RP1: variants seen among roughly 807,000 people sequenced by gnomAD.
RP1 encodes the protein oxygen-regulated protein 1.
RP1 carries 16 observed loss-of-function variants against 14.8 expected under a neutral mutation model. The ratio of observed to expected loss-of-function variants is 1.08; its 90% CI spans 0.73 to 1.65. The LOEUF is 1.65. Ranked by LOEUF, RP1 falls within the 40% of genes most tolerant of loss-of-function variation. The pLI, the probability that RP1 is intolerant of heterozygous loss-of-function variation, is 0.00. For missense variants in RP1, 2,631 were observed against 2,535.0 expected, an observed-to-expected ratio of 1.04 and a Z score of -0.81; for synonymous variants, 876 against 883.6, an observed-to-expected ratio of 0.99 and a Z score of 0.15.
At chr8:54,815,055 CTTTTA>C (rs1387898158) in intron 24 of RP1, among the ~76,000 whole-genome samples, 1 of 152,192 alleles carries the variant, frequency 6.6e-6, no homozygotes, top group Non-Finnish European at 1.5e-5. Flanking sequence ...TTGAGCTATT[CTTTTA>C]TAAGTCAAGT....
intron 28 of RP1, among the ~76,000 whole-genome samples, chr8:54,869,193 T>A (rs1355450625): frequency 6.6e-6 from 1 of 152,138 alleles, no homozygotes; most frequent in Non-Finnish European, 1.5e-5. Context: ...AGGATTCAGA[T>A]CAAAATATAT....
intron 3 of RP1, chr8:54,648,936 C>A (rs1806602086): frequency 5.1e-6 from 7 of 1,366,308 alleles, no homozygotes; most frequent in Non-Finnish European, 6.7e-6. Context: ...TCTGAGTCTT[C>A]CATTTCTATC....
intron 17 of RP1, among the ~76,000 whole-genome samples, chr8:54,726,827 A>G (rs1267817135): frequency 6.8e-6 from 1 of 147,544 alleles, no homozygotes; most frequent in Non-Finnish European, 1.5e-5. Flanking sequence ...AGCAATGAAA[A>G]AAATAATTTC....
chr8:54,684,832 C>A (rs555831153), intron 12 of RP1, among the ~76,000 whole-genome samples: 8 of 152,124 alleles, frequency 5.3e-5, no homozygotes, highest in African/African-American at 1.9e-4. Context: ...AGATCATGCC[C>A]TTTGCAGGGA....
upstream of RP1, among the ~76,000 whole-genome samples, chr8:54,613,771 T>A (rs765388190): frequency 2.0e-5 from 3 of 152,228 alleles, no homozygotes; most frequent in East Asian, 5.8e-4. Flanking sequence ...CCAAGTAAGA[T>A]AAACAATATA....
chr8:54,761,233 C>CTTTTTTT (rs71554177), intron 22 of RP1, among the ~76,000 whole-genome samples: 2 of 109,162 alleles, frequency 1.8e-5, no homozygotes, highest in East Asian at 2.7e-4. Flanking sequence ...CGCTACCTTA[C>CTTTTTTT]TTTTTTTTTT....
intron 24 of RP1, among the ~76,000 whole-genome samples, chr8:54,814,079 A>C (rs1461868232): frequency 6.6e-6 from 1 of 152,220 alleles, no homozygotes; most frequent in Non-Finnish European, 1.5e-5. Context: ...CTGGCAGAGA[A>C]TCTCCTTACC....
chr8:54,677,143 T>C (rs190170656), intron 8 of RP1, among the ~76,000 whole-genome samples: 28 of 151,654 alleles, frequency 1.8e-4, no homozygotes, highest in Non-Finnish European at 3.7e-4. Context: ...TTTACCTATG[T>C]CTGTCCTGGT....
Position 54,625,874 on chromosome 8 carries a change from T to A in RP1, c.1992T>A (p.Ile664=), listed in dbSNP as rs775372859. ...LTKLPKNEKK[I]LSSVASKKKK... is the part of the protein sequence containing the mutation. ...AACTTCCAAAAAATGAAAAGAAGAT[T>A]TTGTCATCTGTTGCCAGCAAAAAGA... Residue 664 remains isoleucine, a synonymous_variant, in exon 4 of 4, where the codon ATT becomes ATA. Transcript: ENST00000220676. 28 of 1,613,734 alleles carry A rather than the reference T, an allele frequency of 1.7e-5. No homozygotes were observed. Among genetic ancestry groups the A allele is most frequent in the Non-Finnish European group, 2.3e-5 (27 of 1,179,958 alleles).
At chr8:54,748,331 C>A (rs1809278611) in intron 19 of RP1, among the ~76,000 whole-genome samples, 1 of 152,166 alleles carries the variant, frequency 6.6e-6, no homozygotes, top group Non-Finnish European at 1.5e-5. Context: ...TTTTCTAGTT[C>A]AGTGAACAGC....
At chr8:54,730,949 T>G (rs1045516001) in intron 17 of RP1, among the ~76,000 whole-genome samples, 1 of 152,162 alleles carries the variant, frequency 6.6e-6, no homozygotes, top group African/African-American at 2.4e-5. Flanking sequence ...AAATATCTGA[T>G]ATTACACTAT....
rs28482247 is a variant in RP1 at position 54,766,225 on chromosome 8, G to C, written c.3249-3516G>C. Among the ~76,000 whole-genome samples the C allele has an allele frequency of 4.6e-3, 695 of 152,138 alleles. 9 individuals are homozygous for C. The highest frequency in any genetic ancestry group is 0.016 in the African/African-American group (665 of 41,508). ...ATTTTCCCTTTCTGGGAAAAGAGGG[G>C]GAGATGATGAATGATATAGATAAAA... On this transcript the variant is annotated intron_variant, in intron 22 of 22. Transcript: ENST00000636932.
intron 19 of RP1, among the ~76,000 whole-genome samples, chr8:54,740,807 G>C (rs898272310): frequency 7.9e-5 from 12 of 152,096 alleles, no homozygotes; most frequent in Non-Finnish European, 1.6e-4. Flanking sequence ...ACTTTGGGAG[G>C]CCGAAGTGGA....
intron 22 of RP1, among the ~76,000 whole-genome samples, chr8:54,762,258 T>C (rs1809657023): frequency 6.6e-6 from 1 of 152,082 alleles, no homozygotes; most frequent in African/African-American, 2.4e-5. Context: ...CACAGCTGAA[T>C]TAGGGCAGAG....
intron 1 of RP1, among the ~76,000 whole-genome samples, chr8:54,570,671 T>C (rs1252417022): frequency 1.3e-5 from 2 of 152,000 alleles, no homozygotes; most frequent in African/African-American, 4.8e-5. Flanking sequence ...ATTCTTTGTT[T>C]TCAAACAAAC....
intron 15 of RP1, among the ~76,000 whole-genome samples, chr8:54,707,127 G>A (rs1381752912): frequency 1.3e-5 from 2 of 151,984 alleles, no homozygotes; most frequent in Non-Finnish European, 2.9e-5. Context: ...CTAAATATTA[G>A]GGGTTTTTCT....
chr8:54,668,142 G>A (rs1029982098), intron 7 of RP1, among the ~76,000 whole-genome samples: 10 of 152,134 alleles, frequency 6.6e-5, no homozygotes, highest in South Asian at 2.1e-4. Context: ...TATCCATTGC[G>A]ATCAAGTGGG....
At chr8:54,825,916 A>AT (rs1811377732) in intron 24 of RP1, among the ~76,000 whole-genome samples, 1 of 142,848 alleles carries the variant, frequency 7.0e-6, no homozygotes, top group East Asian at 2.1e-4. Context: ...CAAAAAAAAA[A>AT]AATCAGCCTG....
exon 18 of RP1, chr8:54,734,616 G>A (rs1028048012): frequency 5.5e-5 from 84 of 1,535,616 alleles, no homozygotes; most frequent in Non-Finnish European, 6.8e-5. Flanking sequence ...AGTGCTGACA[G>A]GAAATACAGG....
Sources: allele counts gnomAD v4.1 joint callset (sites outside exome capture counted in the v4.1 genomes callset), GRCh38; gene constraint gnomAD v4.1.1; transcripts MANE v1.5; gene names NCBI Gene and HGNC (gene_info 2026-07-23, HGNC 2026-07-21).